The following KCNK5 variants were observed in gnomAD, a reference collection of about 807,000 sequenced individuals.
The protein encoded by KCNK5 is potassium two pore domain channel subfamily K member 5, also known as potassium channel subfamily K member 5.
KCNK5 carries 18 observed loss-of-function variants against 32.9 expected under a neutral mutation model. The observed-to-expected ratio is 0.55, with a 90% CI of 0.38 to 0.81. The LOEUF (loss-of-function observed/expected upper bound fraction) is 0.81. KCNK5 is among the 30% of genes least tolerant of loss of function. The pLI, the probability that KCNK5 is intolerant of heterozygous loss-of-function variation, is 0.00. For missense variants in KCNK5, 507 were observed against 651.0 expected, an observed-to-expected ratio of 0.78 and a Z score of 2.41; for synonymous variants, 276 against 275.3, an observed-to-expected ratio of 1.00 and a Z score of -0.03.
At chr6:39,200,458 A>G (rs1771117708) in intron 1 of KCNK5, among the ~76,000 whole-genome samples, 1 of 152,136 alleles carries the variant, frequency 6.6e-6, no homozygotes, top group African/African-American at 2.4e-5. Context: ...GGAAGATACT[A>G]TAATTTTTTT....
chr6:39,215,455 C>T (rs1771414286), intron 1 of KCNK5, among the ~76,000 whole-genome samples: 1 of 152,144 alleles, frequency 6.6e-6, no homozygotes, highest in Non-Finnish European at 1.5e-5. Flanking sequence ...AGGGGATGGA[C>T]GTCTTTCTCC....
At chr6:39,192,959 T>G (rs552895769) in intron 4 of KCNK5, among the ~76,000 whole-genome samples, 106 of 152,322 alleles carry the variant, frequency 7.0e-4, no homozygotes, top group African/African-American at 2.4e-3. Flanking sequence ...CGGGCTCAGA[T>G]AGCAGGTGCC....
At chr6:39,195,069 T>C (rs116514691) in intron 2 of KCNK5, among the ~76,000 whole-genome samples, 3,038 of 151,934 alleles carry the variant, frequency 0.02, 103 homozygotes, top group African/African-American at 0.068. Flanking sequence ...TCTGTGTAGA[T>C]TCCCCAGAAG....
chr6:39,217,223 G>A (rs763831379), intron 1 of KCNK5, among the ~76,000 whole-genome samples: 11 of 151,484 alleles, frequency 7.3e-5, no homozygotes, highest in Non-Finnish European at 1.2e-4. Context: ...GGCCCCTGGA[G>A]TTTCCTGTCT....
At chr6:39,201,293 C>T (rs1366918165) in intron 1 of KCNK5, among the ~76,000 whole-genome samples, 2 of 151,210 alleles carry the variant, frequency 1.3e-5, no homozygotes, top group African/African-American at 2.4e-5. Context: ...ACTCTGTTGC[C>T]CAGGCTAGAG....
In KCNK5 at chr6:39,194,532, G is replaced by C; in HGVS notation, c.465+62C>G. On this transcript the variant is annotated intron_variant, in intron 3 of 4. Transcript: ENST00000359534. This position sits in a 1 kb window ranked among gnomAD's most constrained non-coding sequence, Gnocchi z 4.7. ...TTGGTCCAATTCCTAGAGGCCTCCTGTCCTCCCCTCACCTGTCATGGTTCC... is the reference window on the plus strand; with the variant it reads ...TTGGTCCAATTCCTAGAGGCCTCCTCTCCTCCCCTCACCTGTCATGGTTCC... 1 of 1,574,970 alleles carries C rather than the reference G, an allele frequency of 6.3e-7. No homozygotes were observed. Among genetic ancestry groups the C allele is most frequent in the Non-Finnish European group, 8.7e-7 (1 of 1,152,884 alleles).
At chr6:39,219,152 C>G (rs2561399) in intron 1 of KCNK5, among the ~76,000 whole-genome samples, 32,931 of 152,068 alleles carry the variant, frequency 0.22, 4,184 homozygotes, top group East Asian at 0.56. Context: ...CTGCCTGGGC[C>G]TTATTTCACA....
At chr6:39,200,923 G>A (rs1396935286) in intron 1 of KCNK5, among the ~76,000 whole-genome samples, 1 of 152,210 alleles carries the variant, frequency 6.6e-6, no homozygotes, top group Non-Finnish European at 1.5e-5. Context: ...CCCACCTTCA[G>A]ACATGGGCAG....
chr6:39,221,066 A>C (rs543392735), intron 1 of KCNK5, among the ~76,000 whole-genome samples: 69 of 152,296 alleles, frequency 4.5e-4, no homozygotes, highest in African/African-American at 1.5e-3. Flanking sequence ...AGAAGAGAAT[A>C]GTTCACAGTG....
chr6:39,192,421 C>G (rs757019554), intron 4 of KCNK5, among the ~76,000 whole-genome samples: 6 of 151,352 alleles, frequency 4.0e-5, no homozygotes, highest in Admixed American at 6.6e-5. Context: ...GTTAATTCTT[C>G]TACCATCCCC....
intron 1 of KCNK5, among the ~76,000 whole-genome samples, chr6:39,216,990 A>G (rs1347214526): frequency 1.3e-5 from 2 of 151,806 alleles, no homozygotes; most frequent in Admixed American, 1.3e-4. Flanking sequence ...GTGTGGTGGC[A>G]CATGCCTGTA....
intron 1 of KCNK5, among the ~76,000 whole-genome samples, chr6:39,198,138 T>G (rs1005991188): frequency 2.0e-5 from 3 of 152,304 alleles, no homozygotes; most frequent in Admixed American, 2.0e-4. Context: ...AGCCTTGAAG[T>G]TCTGTGGAAT....
Position 39,190,716 on chromosome 6 carries a change from G to T in KCNK5, c.*174C>A. On this transcript the variant is annotated 3_prime_UTR_variant, in exon 5 of 5. Coordinates refer to ENST00000359534, the MANE Select transcript of KCNK5 (RefSeq NM_003740.4). ...GGTTCAGCTGGAGAACAGAGGCCCTGTCCCGGGCATACATCTAGCTGAGGA... is the reference window on the plus strand; with the variant it reads ...GGTTCAGCTGGAGAACAGAGGCCCTTTCCCGGGCATACATCTAGCTGAGGA... The T allele has an allele frequency of 1.7e-6, 1 of 579,538 alleles. No homozygotes were observed. 35.9% of individuals were successfully genotyped at this position (579,538 alleles called of 1,614,324 possible). A position where few individuals can be genotyped will look rare whatever the true frequency, so the allele number is the denominator to read the frequency against.
rs892754602 is a variant in KCNK5 at position 39,207,559 on chromosome 6, C to T, written c.187-11572G>A. 2.6e-5 allele frequency among the ~76,000 whole-genome samples: 4 copies of T among 151,984 alleles called. No individual in the cohort carries two copies. In the South Asian group the frequency reaches 8.3e-4, roughly 32 times the overall value. Reference sequence around the variant, plus strand: ...ACCCTACCTGTTTGCAAGCCCAAAGCCCCCAGAGGTTCTAGCCCTGGTGAG... The same window carrying T: ...ACCCTACCTGTTTGCAAGCCCAAAGTCCCCAGAGGTTCTAGCCCTGGTGAG... On this transcript the variant is annotated intron_variant, in intron 1 of 4. Coordinates refer to ENST00000359534, the MANE Select transcript of KCNK5 (RefSeq NM_003740.4).
chr6:39,191,072 C>T lies in KCNK5; in HGVS notation c.1318G>A (p.Glu440Lys), dbSNP rs998255137. ...SDEETSKSSL[E>K]DNLAGEESPQ... ...CTCTCCTCCCCTGCCAAGTTGTCCT[C>T]TAGCGAGGACTTGGAGGTCTCCTCG... The change falls in exon 5 of 5, where the codon GAG becomes AAG. Residue 440 changes from glutamate to lysine, a missense_variant. Coordinates refer to ENST00000359534, the MANE Select transcript of KCNK5 (RefSeq NM_003740.4). The surrounding 1 kb of genome is among the most constrained non-coding windows in gnomAD (Gnocchi z 5.8). The T allele has an allele frequency of 1.9e-6, 3 of 1,613,860 alleles. No individual in the cohort carries two copies. The South Asian group carries it at 3.3e-5, about 18-fold the overall frequency.
intron 1 of KCNK5, among the ~76,000 whole-genome samples, chr6:39,207,082 C>A (rs571598730): frequency 4.6e-5 from 7 of 152,320 alleles, no homozygotes; most frequent in African/African-American, 1.7e-4. Flanking sequence ...ATGGGCCAGT[C>A]CCTCCGGCTC....
Position 39,190,487 on chromosome 6 carries a change from G to A in KCNK5, c.*403C>T, listed in dbSNP as rs892051725. On this transcript the variant is annotated 3_prime_UTR_variant, in exon 5 of 5. Coordinates refer to ENST00000359534, the MANE Select transcript of KCNK5 (RefSeq NM_003740.4). ...TCAGAGCTCCCTCTCCAAATGCCGA[G>A]CTCAGTAATACCGGTAAACTTAAAC... The A allele has an allele frequency of 1.9e-5, 3 of 160,628 alleles. No individual in the cohort carries two copies. The highest frequency in any genetic ancestry group is 7.2e-5 in the African/African-American group (3 of 41,658). 10.0% of individuals were successfully genotyped at this position (160,628 alleles called of 1,614,324 possible). A position where few individuals can be genotyped will look rare whatever the true frequency, so the allele number is the denominator to read the frequency against.
At chr6:39,208,340 C>T (rs1188422390) in intron 1 of KCNK5, among the ~76,000 whole-genome samples, 1 of 152,126 alleles carries the variant, frequency 6.6e-6, no homozygotes, top group Admixed American at 6.5e-5. Flanking sequence ...CACAACATTC[C>T]CCTTCCCACC....
chr6:39,194,512 C>T lies in KCNK5; in HGVS notation c.465+82G>A. 6.6e-7 allele frequency: 1 copy of T among 1,524,304 alleles called. No individual in the cohort carries two copies. Among genetic ancestry groups the T allele is most frequent in the East Asian group, 2.3e-5 (1 of 44,382 alleles). 94.4% of individuals were successfully genotyped at this position (1,524,304 alleles called of 1,614,324 possible). On this transcript the variant is annotated intron_variant, in intron 3 of 4. Coordinates refer to ENST00000359534, the MANE Select transcript of KCNK5 (RefSeq NM_003740.4). This position sits in a 1 kb window ranked among gnomAD's most constrained non-coding sequence, Gnocchi z 4.7. Reference sequence around the variant, plus strand: ...TGCCATCTGTCCTTACACCCTTGGTCCAATTCCTAGAGGCCTCCTGTCCTC... The same window carrying T: ...TGCCATCTGTCCTTACACCCTTGGTTCAATTCCTAGAGGCCTCCTGTCCTC...
Sources: gnomAD v4.1 joint callset for allele counts (sites outside exome capture counted in the v4.1 genomes callset) on GRCh38, gnomAD v4.1.1 for gene constraint, Gnocchi (gnomAD v3.1) non-coding constraint, MANE v1.5 for transcripts, NCBI Gene and HGNC (gene_info 2026-07-23, HGNC 2026-07-21) for gene names.